Variants in DOCK10 observed in about 807,000 individuals in gnomAD.
DOCK10 encodes the protein dedicator of cytokinesis protein 10.
Under a neutral mutation model 280.1 loss-of-function variants are expected in DOCK10, and 145 were observed. The ratio of observed to expected loss-of-function variants is 0.52; its 90% CI spans 0.45 to 0.59. The LOEUF is 0.59. Among genes scored for constraint, DOCK10 ranks in the 20% least tolerant of loss-of-function variants. DOCK10 has a pLI of 0.00. For missense variants in DOCK10, 2,368 were observed against 2,651.7 expected, an observed-to-expected ratio of 0.89 and a Z score of 2.35; for synonymous variants, 915 against 942.2, an observed-to-expected ratio of 0.97 and a Z score of 0.53.
intron 1 of DOCK10, among the ~76,000 whole-genome samples, chr2:224,967,317 T>C (rs1029244518): frequency 2.8e-4 from 42 of 152,196 alleles, no homozygotes; most frequent in Non-Finnish European, 5.1e-4. Context: ...CCTGACCTTG[T>C]GATCTGCCCA....
intron 1 of DOCK10, among the ~76,000 whole-genome samples, chr2:225,016,809 T>G (rs1400736254): frequency 1.3e-5 from 2 of 151,864 alleles, no homozygotes; most frequent in East Asian, 3.9e-4. Context: ...TTCAAGCGAT[T>G]CTCTTGCCTT....
intron 2 of DOCK10, among the ~76,000 whole-genome samples, chr2:224,925,085 T>A (rs1043856208): frequency 1.3e-5 from 2 of 151,948 alleles, no homozygotes; most frequent in African/African-American, 4.8e-5. Flanking sequence ...TGTTCTTACA[T>A]GAACACCAGG....
chr2:224,984,294 G>A (rs992731402), intron 1 of DOCK10, among the ~76,000 whole-genome samples: 1 of 152,216 alleles, frequency 6.6e-6, no homozygotes, highest in Non-Finnish European at 1.5e-5. Context: ...TGGCAGGCAC[G>A]ATGCACTTCA....
intron 53 of DOCK10, among the ~76,000 whole-genome samples, chr2:224,772,828 A>G (rs1690542683): frequency 6.6e-6 from 1 of 152,220 alleles, no homozygotes. Context: ...TTAATGACAG[A>G]TATGTACAAG....
At chr2:224,804,702 A>AAT in intron 38 of DOCK10, 92 bp downstream of exon 38, 1 of 860,526 alleles carries the variant, frequency 1.2e-6, no homozygotes, top group Non-Finnish European at 1.8e-6. Flanking sequence ...TAAGATTTCT[A>AAT]ATATATATTT....
intron 13 of DOCK10, among the ~76,000 whole-genome samples, chr2:224,863,240 A>T (rs1157217780): frequency 1.3e-5 from 2 of 152,192 alleles, no homozygotes; most frequent in African/African-American, 4.8e-5. Flanking sequence ...AATGAATGTG[A>T]CTGTGTTTCA....
intron 1 of DOCK10, among the ~76,000 whole-genome samples, chr2:224,976,413 A>T (rs1169546430): frequency 2.6e-5 from 4 of 152,192 alleles, no homozygotes; most frequent in Non-Finnish European, 5.9e-5. Flanking sequence ...ATAATAATTT[A>T]AAAAGTCAAT....
chr2:224,992,673 C>T (rs955865259), intron 1 of DOCK10, among the ~76,000 whole-genome samples: 4 of 152,198 alleles, frequency 2.6e-5, no homozygotes, highest in African/African-American at 7.2e-5. Context: ...ACTGCAGTTC[C>T]CAAGAGGACA....
At chr2:224,819,650 G>T in intron 28 of DOCK10, 121 bp from the exon 29 acceptor site, 2 of 586,924 alleles carry the variant, frequency 3.4e-6, no homozygotes, top group East Asian at 6.6e-5. Flanking sequence ...TGTATAATTA[G>T]GTATTTAAAA....
rs1005966964 is a variant in DOCK10 at position 224,786,947 on chromosome 2, G to A, written c.5655+75C>T. 1 of 1,072,304 alleles carries A rather than the reference G, an allele frequency of 9.3e-7. No homozygotes were observed. Among genetic ancestry groups the A allele is most frequent in the Non-Finnish European group, 1.5e-6 (1 of 687,150 alleles). 66.4% of individuals were successfully genotyped at this position (1,072,304 alleles called of 1,614,324 possible). On this transcript the variant is annotated intron_variant, in intron 50 of 55. Transcript: ENST00000258390. This position sits in a 1 kb window ranked among gnomAD's most constrained non-coding sequence, Gnocchi z 4.7. The stretch of plus-strand genomic sequence containing the variant: ...TCTCCATTCACTGGTACACACAGAT[G>A]TCTCATAAAGAATGAAAGACAACAT...
chr2:224,830,694 T>C, intron 26 of DOCK10, 82 bp from the exon 27 acceptor site: 1 of 671,526 alleles, frequency 1.5e-6, no homozygotes, highest in Non-Finnish European at 2.4e-6. Context: ...TATGTAATAC[T>C]ATAACATTGT....
intron 1 of DOCK10, among the ~76,000 whole-genome samples, chr2:224,966,193 C>T (rs1179555453): frequency 6.6e-6 from 1 of 152,090 alleles, no homozygotes; most frequent in Admixed American, 6.5e-5. Flanking sequence ...CTCTCATTCC[C>T]TCCAATTTGA....
chr2:224,827,473 C>T (rs7556687), intron 27 of DOCK10, among the ~76,000 whole-genome samples: 50,266 of 151,792 alleles, frequency 0.33, 10,681 homozygotes, highest in African/African-American at 0.6. Flanking sequence ...TTCATTTATT[C>T]TTAGGCTGCT....
chr2:224,849,720 C>T, intron 18 of DOCK10, 121 bp from the exon 19 acceptor site: 1 of 667,772 alleles, frequency 1.5e-6, no homozygotes, highest in Non-Finnish European at 2.6e-6. Context: ...GATAACTTGC[C>T]AGGCTAAGCT....
At chr2:224,780,898 TA>T (rs57957604) in intron 50 of DOCK10, among the ~76,000 whole-genome samples, 4,313 of 144,394 alleles carry the variant, frequency 0.03, 63 homozygotes, top group Non-Finnish European at 0.032. Flanking sequence ...AGACTCTGTC[TA>T]AAAAAAAAAA....
In DOCK10 at chr2:224,907,728, G is replaced by T. The variant is rs190423560; in HGVS notation, c.333+8967C>A. On this transcript the variant is annotated intron_variant, in intron 3 of 55. Coordinates refer to ENST00000258390, the MANE Select transcript of DOCK10 (RefSeq NM_014689.3). ...AAGAATAGAGGTTTGGCCATGAAAA[G>T]AAAACAACTAATTTATCTGATCTCC... Among the ~76,000 whole-genome samples, 103 of 150,202 alleles carry T rather than the reference G, an allele frequency of 6.9e-4. 1 individual carries two copies. The highest frequency in any genetic ancestry group is 2.4e-3 in the African/African-American group (100 of 40,912).
chr2:225,009,523 C>T (rs1012304781), intron 1 of DOCK10, among the ~76,000 whole-genome samples: 2 of 151,934 alleles, frequency 1.3e-5, no homozygotes, highest in Non-Finnish European at 1.5e-5. Context: ...TGAGTGTCTC[C>T]CTACAAATCT....
chr2:224,844,460 A>G (rs556416921), intron 22 of DOCK10, among the ~76,000 whole-genome samples: 3 of 152,190 alleles, frequency 2.0e-5, no homozygotes, highest in African/African-American at 4.8e-5. Context: ...TTTTTAACAC[A>G]TGAGTGTGGT....
At chr2:224,804,864 A>G in intron 37 of DOCK10, 23 bp from the exon 38 acceptor site, 2 of 1,475,974 alleles carry the variant, frequency 1.4e-6, no homozygotes, top group Non-Finnish European at 1.8e-6. Context: ...AAAAAACCAC[A>G]TTTTAATTAT....
Sources: allele counts gnomAD v4.1 joint callset (sites outside exome capture counted in the v4.1 genomes callset), GRCh38; gene constraint gnomAD v4.1.1; non-coding constraint Gnocchi (gnomAD v3.1); transcripts MANE v1.5; gene names NCBI Gene and HGNC (gene_info 2026-07-23, HGNC 2026-07-21).